STAC: variants seen among roughly 807,000 people sequenced by gnomAD.
The protein encoded by STAC is SH3 and cysteine rich domain, also known as SH3 and cysteine-rich domain-containing protein.
STAC carries 43 observed loss-of-function variants against 48.8 expected under a neutral mutation model. The ratio of observed to expected loss-of-function variants is 0.88; its 90% confidence interval spans 0.69 to 1.14. The LOEUF is 1.14. STAC is among the 50% of genes most tolerant of loss of function. STAC has a pLI of 0.00. For synonymous variants in STAC, 193 were observed against 179.5 expected, an observed-to-expected ratio of 1.07 and a Z score of -0.60; for missense variants, 497 against 504.0, an observed-to-expected ratio of 0.99 and a Z score of 0.13.
intron 6 of STAC, among the ~76,000 whole-genome samples, chr3:36,493,594 C>T (rs938260803): frequency 2.0e-5 from 3 of 151,090 alleles, no homozygotes; most frequent in African/African-American, 7.3e-5. Flanking sequence ...CATTAGCAAA[C>T]CGTACCACAG....
intron 5 of STAC, among the ~76,000 whole-genome samples, chr3:36,489,999 C>T (rs1160193409): frequency 6.6e-6 from 1 of 152,152 alleles, no homozygotes; most frequent in Non-Finnish European, 1.5e-5. Context: ...GGGAGCCGAA[C>T]GATTTCCATT....
chr3:36,447,650 CA>C (rs1307688770), intron 2 of STAC, among the ~76,000 whole-genome samples: 160 of 42,862 alleles, frequency 3.7e-3, no homozygotes, highest in African/African-American at 0.023. Flanking sequence ...GTATACACAC[CA>C]CACACACACA....
At chr3:36,500,956 G>A (rs142336205) in intron 6 of STAC, among the ~76,000 whole-genome samples, 5 of 152,036 alleles carry the variant, frequency 3.3e-5, no homozygotes, top group Non-Finnish European at 7.4e-5. Flanking sequence ...AGCCGGGCAG[G>A]GTGGCATATG....
Position 36,547,949 on chromosome 3 carries a change from T to C in STAC, c.*1660T>C, listed in dbSNP as rs566027953. 1 of 152,312 alleles carries C rather than the reference T, an allele frequency of 6.6e-6. No homozygotes were observed. The highest frequency in any genetic ancestry group is 2.4e-5 in the African/African-American group (1 of 41,574). The allele number at this position is 152,312 out of a possible 1,614,324, so 9.4% of individuals were successfully genotyped here. On this transcript the variant is annotated 3_prime_UTR_variant, in exon 11 of 11. Coordinates refer to ENST00000273183, the MANE Select transcript of STAC (RefSeq NM_003149.3). ...ATGCCTAGTACAAATGCTCTTTGCCTCTAATTCAGTATTCCATTTAATAAA... is the reference window on the plus strand; with the variant it reads ...ATGCCTAGTACAAATGCTCTTTGCCCCTAATTCAGTATTCCATTTAATAAA...
chr3:36,528,213 G>A (rs947143111), intron 8 of STAC, among the ~76,000 whole-genome samples: 2 of 152,156 alleles, frequency 1.3e-5, no homozygotes, highest in East Asian at 1.9e-4. Flanking sequence ...ACTCACGCCT[G>A]TAATCCCAAC....
At chr3:36,478,270 T>C (rs1332296176) in intron 2 of STAC, among the ~76,000 whole-genome samples, 1 of 152,254 alleles carries the variant, frequency 6.6e-6, no homozygotes, top group Non-Finnish European at 1.5e-5. Context: ...CACAATTTTG[T>C]GATACATGGC....
In STAC at chr3:36,523,943, A is replaced by G. The variant is rs189414613; in HGVS notation, c.921-4753A>G. Among the ~76,000 whole-genome samples the G allele has an allele frequency of 5.9e-5, 9 of 152,352 alleles. No individual in the cohort carries two copies. In the East Asian group the frequency reaches 1.7e-3, roughly 29 times the overall value. ...GAAGAAAACTCACAGTTGAGAGTGA[A>G]GGGTTGCCACTAAGGGCAACACAGA... On this transcript the variant is annotated intron_variant, in intron 8 of 10. Transcript: ENST00000273183.
rs1243789964 is a variant in STAC, at chr3:36,546,353, A to C, written c.*64A>C. ...CTGCGATGCCTCTGCCTCATCTCACACTGCGTCAACCCAAAGGAGCTGCCG... is the reference window on the plus strand; with the variant it reads ...CTGCGATGCCTCTGCCTCATCTCACCCTGCGTCAACCCAAAGGAGCTGCCG... On this transcript the variant is annotated 3_prime_UTR_variant, in exon 11 of 11. Transcript: ENST00000273183. 1 of 1,433,106 alleles carries C rather than the reference A, an allele frequency of 7.0e-7. No homozygotes were observed. Among genetic ancestry groups the C allele is most frequent in the African/African-American group, 1.4e-5 (1 of 71,124 alleles). The allele number at this position is 1,433,106 out of a possible 1,614,324, so 88.8% of individuals were successfully genotyped here. A position where few individuals can be genotyped will look rare whatever the true frequency, so the allele number is the denominator to read the frequency against.
At chr3:36,482,704 A>C (rs1488863959) in intron 2 of STAC, among the ~76,000 whole-genome samples, 1 of 152,238 alleles carries the variant, frequency 6.6e-6, no homozygotes, top group African/African-American at 2.4e-5. Context: ...AAAGCAAAGA[A>C]AATGGAATTC....
chr3:36,398,187 A>G (rs1051014626), intron 1 of STAC, among the ~76,000 whole-genome samples: 11 of 152,056 alleles, frequency 7.2e-5, no homozygotes, highest in African/African-American at 2.7e-4. Flanking sequence ...GCTCATGAAG[A>G]GAGCAGCAAT....
intron 10 of STAC, among the ~76,000 whole-genome samples, chr3:36,544,260 CCAAGGTT>C (rs1418846145): frequency 6.6e-6 from 1 of 152,112 alleles, no homozygotes; most frequent in Non-Finnish European, 1.5e-5. Context: ...ACCTCTGCCT[CCAAGGTT>C]CAAGCCATTC....
chr3:36,527,894 A>C (rs1698974138), intron 8 of STAC, among the ~76,000 whole-genome samples: 1 of 152,208 alleles, frequency 6.6e-6, no homozygotes, highest in Non-Finnish European at 1.5e-5. Flanking sequence ...TTACACCAGC[A>C]TAAAAGATGG....
chr3:36,406,122 C>A (rs2125630913), intron 1 of STAC, among the ~76,000 whole-genome samples: 1 of 152,312 alleles, frequency 6.6e-6, no homozygotes, highest in Non-Finnish European at 1.5e-5. Flanking sequence ...CAACTTTGAT[C>A]AGGAAACCTT....
At chr3:36,541,077 ATAG>A (rs1354587139) in intron 10 of STAC, among the ~76,000 whole-genome samples, 1 of 152,170 alleles carries the variant, frequency 6.6e-6, no homozygotes, top group Non-Finnish European at 1.5e-5. Flanking sequence ...CCTTGAAATG[ATAG>A]CTACGTCCCC....
At chr3:36,393,990 G>T (rs920299134) in intron 1 of STAC, among the ~76,000 whole-genome samples, 2 of 151,986 alleles carry the variant, frequency 1.3e-5, no homozygotes, top group East Asian at 3.9e-4. Flanking sequence ...GTGGGGGAGA[G>T]ATCTGAGCAA....
At chr3:36,413,159 G>A (rs570588747) in intron 1 of STAC, among the ~76,000 whole-genome samples, 1 of 152,302 alleles carries the variant, frequency 6.6e-6, no homozygotes, top group African/African-American at 2.4e-5. Flanking sequence ...CTGTTGATTT[G>A]GGGTGGACGG....
chr3:36,527,465 A>G (rs543568989), intron 8 of STAC, among the ~76,000 whole-genome samples: 2 of 152,240 alleles, frequency 1.3e-5, no homozygotes, highest in African/African-American at 4.8e-5. Context: ...TTCTAAAACA[A>G]TTCTCAGTAT....
chr3:36,416,119 T>A (rs759120024), intron 1 of STAC, among the ~76,000 whole-genome samples: 3 of 152,208 alleles, frequency 2.0e-5, no homozygotes, highest in Admixed American at 2.0e-4. Flanking sequence ...ATTTGTTCAG[T>A]ATCCTTTGGG....
intron 1 of STAC, among the ~76,000 whole-genome samples, chr3:36,438,745 G>C (rs1355394777): frequency 1.3e-5 from 2 of 152,088 alleles, no homozygotes; most frequent in Admixed American, 6.5e-5. Context: ...AACTTCCAGG[G>C]AACACAGAAC....
Sources: gnomAD v4.1 joint callset for allele counts (sites outside exome capture counted in the v4.1 genomes callset) on GRCh38, gnomAD v4.1.1 for gene constraint, MANE v1.5 for transcripts, NCBI Gene and HGNC (gene_info 2026-07-23, HGNC 2026-07-21) for gene names.